Variants in FSHR observed in about 807,000 individuals in gnomAD.
FSHR encodes the protein follicle-stimulating hormone receptor.
FSHR carries 46 observed loss-of-function variants against 52.1 expected under a neutral mutation model. The observed-to-expected ratio is 0.88, with a 90% CI of 0.70 to 1.13. FSHR has a LOEUF of 1.13. Ranked by LOEUF, FSHR falls within the 50% of genes most tolerant of loss-of-function variation. The pLI, the probability that FSHR is intolerant of heterozygous loss-of-function variation, is 0.00. For synonymous variants in FSHR, 399 were observed against 309.6 expected (o/e 1.29, Z -3.03); for missense variants, 964 against 834.6 (o/e 1.16, Z -1.91).
chr2:48,983,256 A>C, intron 6 of FSHR, 90 bp from the exon 7 acceptor site: 2 of 1,190,650 alleles, frequency 1.7e-6, no homozygotes, highest in Non-Finnish European at 2.5e-6. Flanking sequence ...AAGGGCAGAC[A>C]GCACAGGTTA....
At chr2:49,065,202 G>A (rs12473870) in intron 2 of FSHR, among the ~76,000 whole-genome samples, 61,684 of 151,958 alleles carry the variant, frequency 0.41, 12,672 homozygotes, top group East Asian at 0.54. Context: ...TGTGCCAGGA[G>A]CTTATGACTT....
At chr2:49,032,500 C>A (rs1668134037) in intron 2 of FSHR, among the ~76,000 whole-genome samples, 1 of 152,174 alleles carries the variant, frequency 6.6e-6, no homozygotes, top group Admixed American at 6.5e-5. Context: ...TTTCTGCCTT[C>A]AAGGAGCATC....
chr2:49,055,396 CAAAT>C (rs1023855188), intron 2 of FSHR, among the ~76,000 whole-genome samples: 5 of 149,992 alleles, frequency 3.3e-5, no homozygotes, highest in African/African-American at 9.8e-5. Context: ...CATAGTTAAC[CAAAT>C]AAATATTCAT....
chr2:49,065,924 A>C (rs1159495931), intron 2 of FSHR, among the ~76,000 whole-genome samples: 2 of 152,098 alleles, frequency 1.3e-5, no homozygotes, highest in Non-Finnish European at 2.9e-5. Flanking sequence ...ATTGAGAAGA[A>C]TGACATTAAT....
At chr2:48,964,813 C>T (rs1438279033) in intron 9 of FSHR, among the ~76,000 whole-genome samples, 1 of 152,110 alleles carries the variant, frequency 6.6e-6, no homozygotes. Flanking sequence ...GAGGTACTTA[C>T]AGAGGGATTT....
chr2:48,999,833 A>G (rs1676178157), intron 4 of FSHR, among the ~76,000 whole-genome samples: 1 of 152,096 alleles, frequency 6.6e-6, no homozygotes, highest in Non-Finnish European at 1.5e-5. Context: ...TCCCAAACAT[A>G]CTGACTTTGG....
chr2:48,988,701 T>C (rs554563259), intron 6 of FSHR, among the ~76,000 whole-genome samples: 1 of 152,218 alleles, frequency 6.6e-6, no homozygotes, highest in Non-Finnish European at 1.5e-5. Flanking sequence ...GCATGAGTTA[T>C]TCTTTCCTTT....
In FSHR at chr2:49,013,858, A is replaced by G. The variant is rs1483971861; in HGVS notation, c.374+3631T>C. On this transcript the variant is annotated intron_variant, in intron 4 of 9. Coordinates refer to ENST00000406846, the MANE Select transcript of FSHR (RefSeq NM_000145.4). ...GGTAGAGCCTCTGGAAGGTGATTAGAGTTAGATAAGATCATCAGGGCAAGA... is the reference window on the plus strand; with the variant it reads ...GGTAGAGCCTCTGGAAGGTGATTAGGGTTAGATAAGATCATCAGGGCAAGA... Among the ~76,000 whole-genome samples the G allele has an allele frequency of 2.0e-5, 3 of 152,098 alleles. No homozygotes were observed. In the South Asian group the frequency reaches 6.2e-4, roughly 32 times the overall value.
At chr2:48,990,743 A>C in intron 4 of FSHR, 106 bp from the exon 5 acceptor site, 2 of 787,238 alleles carry the variant, frequency 2.5e-6, no homozygotes, top group Non-Finnish European at 4.5e-6. Flanking sequence ...AACCATCAGA[A>C]AAATCTACGA....
intron 2 of FSHR, among the ~76,000 whole-genome samples, chr2:49,044,305 A>G (rs1668581300): frequency 6.6e-6 from 1 of 152,164 alleles, no homozygotes; most frequent in African/African-American, 2.4e-5. Flanking sequence ...TATTTTGTTT[A>G]TTACTGTTTC....
At chr2:49,080,837 C>T (rs907145372) in intron 1 of FSHR, among the ~76,000 whole-genome samples, 4 of 152,126 alleles carry the variant, frequency 2.6e-5, no homozygotes, top group African/African-American at 9.7e-5. Flanking sequence ...AAAGTCCATA[C>T]TCCCAGCCAT....
At chr2:49,087,070 G>GATTTTTTTTTTTTTTTTTTTTTT (rs60949511) in intron 1 of FSHR, among the ~76,000 whole-genome samples, 1 of 86,728 alleles carries the variant, frequency 1.2e-5, no homozygotes, top group African/African-American at 4.3e-5. Flanking sequence ...TGTGGGCAGG[G>GATTTTTTTTTTTTTTTTTTTTTT]TTTTTTTTTT....
intron 4 of FSHR, among the ~76,000 whole-genome samples, chr2:48,998,489 A>T (rs561476695): frequency 6.6e-6 from 1 of 152,224 alleles, no homozygotes; most frequent in South Asian, 2.1e-4. Context: ...AAAAAATTCA[A>T]CATATTCCAG....
intron 1 of FSHR, among the ~76,000 whole-genome samples, chr2:49,074,220 A>G (rs1039791631): frequency 1.1e-5 from 1 of 92,398 alleles, no homozygotes; most frequent in African/African-American, 4.0e-5. Context: ...TCTTCACAGC[A>G]AAGAAAACAA....
intron 2 of FSHR, among the ~76,000 whole-genome samples, chr2:49,037,223 T>C (rs61566250): frequency 0.031 from 4,771 of 152,248 alleles, 219 homozygotes; most frequent in African/African-American, 0.1. Context: ...CAATGACACA[T>C]GATTATGTTG....
At chr2:49,125,561 C>T (rs1671965771) in intron 1 of FSHR, among the ~76,000 whole-genome samples, 1 of 152,210 alleles carries the variant, frequency 6.6e-6, no homozygotes, top group South Asian at 2.1e-4. Flanking sequence ...TCTGCTGCAT[C>T]TCCAGCATAT....
intron 2 of FSHR, among the ~76,000 whole-genome samples, chr2:49,060,059 G>A (rs542568007): frequency 6.6e-6 from 1 of 152,174 alleles, no homozygotes; most frequent in Admixed American, 6.5e-5. Flanking sequence ...AGATATTTCT[G>A]AAAAGAAGAC....
chr2:48,980,853 T>C (rs978994220), intron 8 of FSHR, among the ~76,000 whole-genome samples: 1 of 152,082 alleles, frequency 6.6e-6, no homozygotes, highest in Admixed American at 6.6e-5. Context: ...GGGGATCTCA[T>C]CCAACTTCAT....
intron 1 of FSHR, among the ~76,000 whole-genome samples, chr2:49,098,810 A>G (rs1670920173): frequency 6.8e-6 from 1 of 146,766 alleles, no homozygotes; most frequent in South Asian, 2.1e-4. Flanking sequence ...TATAATATGT[A>G]TACTTATATA....
Sources: allele counts gnomAD v4.1 joint callset (sites outside exome capture counted in the v4.1 genomes callset), GRCh38; gene constraint gnomAD v4.1.1; transcripts MANE v1.5; gene names NCBI Gene and HGNC (gene_info 2026-07-23, HGNC 2026-07-21).